Variants in JAZF1 observed in about 807,000 individuals in gnomAD.
The protein encoded by JAZF1 is JAZF zinc finger 1, also known as juxtaposed with another zinc finger protein 1.
A neutral mutation model predicts 26.4 loss-of-function variants in JAZF1; 8 were observed. The observed-to-expected ratio is 0.30, with a 90% CI of 0.18 to 0.55. The LOEUF is 0.55. JAZF1 is among the 20% of genes least tolerant of loss of function. The pLI is 0.94. For missense variants in JAZF1, 199 were observed against 322.0 expected, an observed-to-expected ratio of 0.62 and a Z score of 2.92; for synonymous variants, 126 against 122.3, an observed-to-expected ratio of 1.03 and a Z score of -0.20.
chr7:28,165,583 C>T (rs1444230364), intron 1 of JAZF1, among the ~76,000 whole-genome samples: 3 of 152,174 alleles, frequency 2.0e-5, no homozygotes, highest in Admixed American at 1.3e-4. Flanking sequence ...TCCTATCCCA[C>T]CCCCTCAAAC....
intron 1 of JAZF1, chr7:28,020,488 A>C (rs1326825228): frequency 2.3e-6 from 1 of 435,760 alleles, no homozygotes; most frequent in Non-Finnish European, 4.8e-6. Flanking sequence ...CAGGAGTTGA[A>C]GCCTATGACC....
At chr7:28,158,392 A>G (rs532711108) in intron 1 of JAZF1, among the ~76,000 whole-genome samples, 4 of 152,180 alleles carry the variant, frequency 2.6e-5, no homozygotes, top group Non-Finnish European at 5.9e-5. Context: ...GGAAGCCTAG[A>G]AATCAGGAGT....
At chr7:27,911,674 A>G (rs1784362527) in intron 2 of JAZF1, among the ~76,000 whole-genome samples, 1 of 152,188 alleles carries the variant, frequency 6.6e-6, no homozygotes, top group Non-Finnish European at 1.5e-5. Context: ...GTTACAACTG[A>G]TAAGAGCTCC....
intron 2 of JAZF1, among the ~76,000 whole-genome samples, chr7:27,973,802 C>A (rs534602956): frequency 1.3e-5 from 2 of 152,288 alleles, no homozygotes; most frequent in South Asian, 4.1e-4. Context: ...ATGGCACTAA[C>A]AGACTGATGC....
intron 1 of JAZF1, among the ~76,000 whole-genome samples, chr7:28,066,462 G>T (rs1783883814): frequency 6.6e-6 from 1 of 152,040 alleles, no homozygotes; most frequent in Non-Finnish European, 1.5e-5. Flanking sequence ...AATTAGCCAG[G>T]TATGGTGGCG....
At chr7:27,900,490 A>C (rs1784146736) in intron 2 of JAZF1, among the ~76,000 whole-genome samples, 3 of 152,234 alleles carry the variant, frequency 2.0e-5, no homozygotes, top group African/African-American at 7.2e-5. Flanking sequence ...GGGTAGCTTG[A>C]AATTGGCTAT....
intron 1 of JAZF1, among the ~76,000 whole-genome samples, chr7:28,048,256 T>G (rs1458529938): frequency 6.6e-6 from 1 of 152,204 alleles, no homozygotes; most frequent in Non-Finnish European, 1.5e-5. Flanking sequence ...CCTCTTACCC[T>G]CAAGTAAGCT....
At chr7:27,891,642 C>T (rs1026869508) in intron 3 of JAZF1, among the ~76,000 whole-genome samples, 13 of 144,770 alleles carry the variant, frequency 9.0e-5, no homozygotes, top group Non-Finnish European at 1.8e-4. Flanking sequence ...GCCTGGGCAA[C>T]ATAGCAAGAC....
chr7:27,872,866 T>C (rs1783610291), intron 3 of JAZF1, among the ~76,000 whole-genome samples: 1 of 152,048 alleles, frequency 6.6e-6, no homozygotes, highest in East Asian at 1.9e-4. Flanking sequence ...CAGGTCTGCA[T>C]AAAAAGATAG....
At chr7:27,857,377 C>G (rs974122316) in intron 3 of JAZF1, among the ~76,000 whole-genome samples, 3 of 152,310 alleles carry the variant, frequency 2.0e-5, no homozygotes, top group Admixed American at 6.5e-5. Context: ...AGCCCCGGTT[C>G]CCACCTGCGC....
At chr7:27,969,239 A>AG (rs1193550641) in intron 2 of JAZF1, among the ~76,000 whole-genome samples, 1 of 152,178 alleles carries the variant, frequency 6.6e-6, no homozygotes, top group Non-Finnish European at 1.5e-5. Context: ...AGACATCACC[A>AG]AGAAGGCAGG....
Position 27,926,987 on chromosome 7 carries a change from C to T in JAZF1, c.189-31571G>A, listed in dbSNP as rs185555240. On this transcript the variant is annotated intron_variant, in intron 2 of 4. Transcript: ENST00000283928. ...ATTCTCAGGGGACAGAACATCTCCC[C>T]GGGAGTTCTTCATTTGTATGGACAG... 1.4e-4 allele frequency among the ~76,000 whole-genome samples: 22 copies of T among 152,322 alleles called. No individual in the cohort carries two copies. In the East Asian group the frequency reaches 2.1e-3, roughly 15 times the overall value.
chr7:27,953,775 T>C (rs539369457), intron 2 of JAZF1, among the ~76,000 whole-genome samples: 1 of 152,342 alleles, frequency 6.6e-6, no homozygotes, highest in South Asian at 2.1e-4. Context: ...AAATATATAC[T>C]TATCCTAAGT....
At chr7:28,150,117 T>C (rs1201786590) in intron 1 of JAZF1, among the ~76,000 whole-genome samples, 2 of 151,886 alleles carry the variant, frequency 1.3e-5, no homozygotes, top group Non-Finnish European at 2.9e-5. Flanking sequence ...CTGAAATGAG[T>C]GTTACTATAA....
rs56213574 is a variant in JAZF1 at position 28,152,801 on chromosome 7, G to A, written c.115+27662C>T. 7.6e-3 allele frequency among the ~76,000 whole-genome samples: 1,154 copies of A among 152,270 alleles called. 14 individuals carry two copies. Among genetic ancestry groups the A allele is most frequent in the African/African-American group, 0.026 (1,088 of 41,546 alleles). On this transcript the variant is annotated intron_variant, in intron 1 of 4. Coordinates refer to ENST00000283928, the MANE Select transcript of JAZF1 (RefSeq NM_175061.4). ...TGACACAGGACAGGAAAAGGAAGAA[G>A]GTAGGAGGTTTGAAAAGGGGACACT...
At chr7:28,135,458 T>TGCCACATGCTCACA (rs1782867902) in intron 1 of JAZF1, among the ~76,000 whole-genome samples, 1 of 152,240 alleles carries the variant, frequency 6.6e-6, no homozygotes, top group Admixed American at 6.5e-5. Flanking sequence ...AACAGCACCT[T>TGCCACATGCTCACA]GCCACATGCT....
chr7:28,127,421 A>G (rs1026851589), intron 1 of JAZF1, among the ~76,000 whole-genome samples: 19 of 152,166 alleles, frequency 1.2e-4, no homozygotes, highest in African/African-American at 4.3e-4. Flanking sequence ...GAATGGTGAC[A>G]ATGTCAAGGT....
At chr7:27,884,890 A>G (rs1783831674) in intron 3 of JAZF1, among the ~76,000 whole-genome samples, 1 of 152,118 alleles carries the variant, frequency 6.6e-6, no homozygotes. Context: ...AACATCACTC[A>G]GCTCTGTGGC....
intron 3 of JAZF1, among the ~76,000 whole-genome samples, chr7:27,882,660 A>G (rs1439758505): frequency 1.3e-5 from 2 of 152,130 alleles, no homozygotes; most frequent in Non-Finnish European, 2.9e-5. Context: ...AAGCATTCTC[A>G]GTTTTCTGCA....
Sources: allele counts gnomAD v4.1 joint callset (sites outside exome capture counted in the v4.1 genomes callset), GRCh38; gene constraint gnomAD v4.1.1; transcripts MANE v1.5; gene names NCBI Gene and HGNC (gene_info 2026-07-23, HGNC 2026-07-21).